Variants in SWAP70 observed in about 807,000 individuals in gnomAD.
SWAP70 encodes switch-associated protein 70.
A neutral mutation model predicts 80.2 loss-of-function variants in SWAP70; 34 were observed. The observed-to-expected ratio is 0.42, with a 90% confidence interval of 0.32 to 0.56. SWAP70 has a LOEUF of 0.56. Among genes scored for constraint, SWAP70 ranks in the 20% least tolerant of loss-of-function variants. The pLI is 0.09. For missense variants in SWAP70, 578 were observed against 690.7 expected, an observed-to-expected ratio of 0.84 and a Z score of 1.83; for synonymous variants, 239 against 238.5, an observed-to-expected ratio of 1.00 and a Z score of -0.02.
Position 9,749,960 on chromosome 11 carries a change from C to T in SWAP70, c.1748C>T (p.Thr583Ile), listed in dbSNP as rs373832108. 6.2e-7 allele frequency: 1 copy of T among 1,612,276 alleles called. No homozygotes were observed. Among genetic ancestry groups the T allele is most frequent in the South Asian group, 1.1e-5 (1 of 91,028 alleles). The change falls in exon 12 of 12, where the codon ACC becomes ATC. Residue 583 changes from threonine (T) to isoleucine (I), a missense_variant. By Grantham distance (89) the Thr-to-Ile change is moderately conservative. Coordinates refer to ENST00000318950, the MANE Select transcript of SWAP70 (RefSeq NM_015055.4). The part of the protein sequence containing the change: ...EREKNWKEKK[T>I]TE ...GAGAAGAACTGGAAAGAGAAAAAGA[C>T]CACGGAGTGACTGAGCTTGCTGGCA...
intron 1 of SWAP70, among the ~76,000 whole-genome samples, chr11:9,675,365 GAGAGAGAGAGAGA>G (rs1850480290): frequency 2.9e-5 from 1 of 34,994 alleles, no homozygotes; most frequent in Non-Finnish European, 7.1e-5. Flanking sequence ...GAGAGAGAGA[GAGAGAGAGAGAGA>G]GAGAGAGAGA....
At position 9,725,560 on chromosome 11, in the gene SWAP70, TA is replaced by T. The variant is rs1564829539; in HGVS notation, c.642+676del. Among the ~76,000 whole-genome samples, 144 of 16,570 alleles carry T rather than the reference TA, an allele frequency of 8.7e-3. 1 individual carries two copies. The highest frequency in any genetic ancestry group is 0.012 in the South Asian group (7 of 602). 10.9% of individuals were successfully genotyped at this position (16,570 alleles called of 152,430 possible). Reference sequence around the variant, plus strand: ...ATATATATATATATATATATATATATATATATATATTTTTTTTTTTTTTTTT... The same window carrying T: ...ATATATATATATATATATATATATATTATATATATTTTTTTTTTTTTTTTT... On this transcript the variant is annotated intron_variant, in intron 4 of 11. Transcript: ENST00000318950.
intron 1 of SWAP70, among the ~76,000 whole-genome samples, chr11:9,687,793 T>C (rs1850650643): frequency 6.6e-6 from 1 of 152,210 alleles, no homozygotes; most frequent in Non-Finnish European, 1.5e-5. Context: ...AAAATATTTA[T>C]TTCCTCCCTT....
chr11:9,728,007 T>A, intron 4 of SWAP70, 46 bp from the exon 5 acceptor site: 1 of 1,523,776 alleles, frequency 6.6e-7, no homozygotes, highest in Non-Finnish European at 8.8e-7. Flanking sequence ...TGTCAGCTCT[T>A]ACAAATAAAA....
chr11:9,737,115 C>G (rs1046107598), intron 7 of SWAP70, among the ~76,000 whole-genome samples: 1 of 152,226 alleles, frequency 6.6e-6, no homozygotes, highest in Admixed American at 6.5e-5. Context: ...AGCTTCTGGC[C>G]TCCTCTTAAT....
At chr11:9,699,906 C>T (rs1485487181) in intron 2 of SWAP70, among the ~76,000 whole-genome samples, 2 of 149,416 alleles carry the variant, frequency 1.3e-5, no homozygotes, top group African/African-American at 2.5e-5. Context: ...TAGATACAGA[C>T]AGTAAATAGA....
intron 2 of SWAP70, among the ~76,000 whole-genome samples, chr11:9,704,618 C>T (rs530491299): frequency 2.0e-5 from 3 of 152,230 alleles, no homozygotes; most frequent in African/African-American, 7.2e-5. Context: ...GTCTCGGACT[C>T]CTGGCCTCAA....
intron 1 of SWAP70, among the ~76,000 whole-genome samples, chr11:9,677,523 T>A (rs936540207): frequency 3.3e-5 from 5 of 152,210 alleles, no homozygotes; most frequent in African/African-American, 1.2e-4. Flanking sequence ...TAGCTTCTTC[T>A]GTTCCTTTGA....
chr11:9,708,402 T>G (rs137965755), intron 2 of SWAP70, among the ~76,000 whole-genome samples: 1 of 152,230 alleles, frequency 6.6e-6, no homozygotes, highest in Non-Finnish European at 1.5e-5. Flanking sequence ...TAAGTGATGT[T>G]GAGCATCTTC....
intron 4 of SWAP70, among the ~76,000 whole-genome samples, chr11:9,725,984 C>G (rs1162656158): frequency 1.4e-5 from 2 of 139,088 alleles, no homozygotes; most frequent in East Asian, 4.0e-4. Flanking sequence ...TCTTGTAATC[C>G]CCTTCAGGTA....
chr11:9,703,277 C>T (rs972333414), intron 2 of SWAP70: 10 of 440,576 alleles, frequency 2.3e-5, no homozygotes, highest in Non-Finnish European at 3.2e-5. Context: ...CTTTTTATGG[C>T]TGAATAACAT....
rs754172969 is a variant in SWAP70 at position 9,664,260 on chromosome 11, C to T, written c.81C>T (p.Val27=). The T allele has an allele frequency of 6.3e-7, 1 of 1,584,270 alleles. No homozygotes were observed. Among genetic ancestry groups the T allele is most frequent in the South Asian group, 1.2e-5 (1 of 86,402 alleles). ...TALDQDHSGK[V]SKSQLKVLSH... is the part of the protein sequence containing the mutation. ...TCGACCAGGACCACAGCGGCAAGGTCTCCAAGTCCCAGCTCAAGGTGGGCG... is the reference window on the plus strand; with the variant it reads ...TCGACCAGGACCACAGCGGCAAGGTTTCCAAGTCCCAGCTCAAGGTGGGCG... Residue 27 remains valine (V), a synonymous_variant, in exon 1 of 12, where the codon GTC becomes GTT. Coordinates refer to ENST00000318950, the MANE Select transcript of SWAP70 (RefSeq NM_015055.4).
intron 1 of SWAP70, among the ~76,000 whole-genome samples, chr11:9,683,413 C>G (rs1430056509): frequency 2.7e-5 from 4 of 150,300 alleles, no homozygotes; most frequent in African/African-American, 9.8e-5. Flanking sequence ...AAGACCCTGT[C>G]TCAAAAAAAA....
intron 6 of SWAP70, among the ~76,000 whole-genome samples, chr11:9,731,077 A>G (rs1274496332): frequency 6.6e-6 from 1 of 152,210 alleles, no homozygotes; most frequent in Non-Finnish European, 1.5e-5. Context: ...AGTGGCCTCT[A>G]GCTGCATCCA....
chr11:9,704,477 C>A (rs1850874414), intron 2 of SWAP70, among the ~76,000 whole-genome samples: 1 of 152,188 alleles, frequency 6.6e-6, no homozygotes, highest in Non-Finnish European at 1.5e-5. Flanking sequence ...TCACTGCAAC[C>A]TCCACCTCCC....
intron 1 of SWAP70, among the ~76,000 whole-genome samples, chr11:9,669,695 A>G (rs569729991): frequency 3.6e-4 from 55 of 152,274 alleles, no homozygotes; most frequent in Middle Eastern, 3.4e-3. Flanking sequence ...TGTATGAGAG[A>G]GAGTTATTGC....
chr11:9,715,245 C>G (rs1851051527), intron 3 of SWAP70, among the ~76,000 whole-genome samples: 1 of 152,100 alleles, frequency 6.6e-6, no homozygotes, highest in African/African-American at 2.4e-5. Flanking sequence ...TCCCACAGTG[C>G]TGGGATTACA....
intron 1 of SWAP70, among the ~76,000 whole-genome samples, chr11:9,691,671 C>T (rs1269507866): frequency 6.6e-6 from 1 of 152,178 alleles, no homozygotes; most frequent in African/African-American, 2.4e-5. Flanking sequence ...CCAGAGATTA[C>T]AAAACCCGAG....
At chr11:9,732,737 G>T (rs781235140) in intron 7 of SWAP70, 27 bp downstream of exon 7, 2 of 1,522,806 alleles carry the variant, frequency 1.3e-6, no homozygotes, top group Non-Finnish European at 8.8e-7. Flanking sequence ...GGCTGGGAGA[G>T]GGCCCTTCAT....
Sources: allele counts gnomAD v4.1 joint callset (sites outside exome capture counted in the v4.1 genomes callset), GRCh38; gene constraint gnomAD v4.1.1; transcripts MANE v1.5; gene names NCBI Gene and HGNC (gene_info 2026-07-23, HGNC 2026-07-21).